BICRA: variants seen among roughly 807,000 people sequenced by gnomAD.
BICRA encodes the protein BRD4 interacting chromatin remodeling complex associated protein.
In BICRA, 31 loss-of-function variants were observed where a neutral mutation model predicts 96.9. That is an observed-to-expected ratio of 0.32 (90% CI 0.24 to 0.43). The LOEUF (loss-of-function observed/expected upper bound fraction) is 0.43. Among genes scored for constraint, BICRA ranks in the 20% least tolerant of loss-of-function variants. The pLI is 1.00. For missense variants in BICRA, 2,283 were observed against 2,190.3 expected (o/e 1.04, Z -0.84); for synonymous variants, 1,350 against 1,071.8 (o/e 1.26, Z -5.07).
chr19:47,668,996 C>T (rs570602516), intron 1 of BICRA, among the ~76,000 whole-genome samples: 4 of 152,074 alleles, frequency 2.6e-5, no homozygotes, highest in African/African-American at 4.8e-5. Flanking sequence ...CCCAGCTACT[C>T]AGGAGGCTGA....
At chr19:47,690,724 G>T (rs1368470260) in intron 7 of BICRA, among the ~76,000 whole-genome samples, 1 of 151,958 alleles carries the variant, frequency 6.6e-6, no homozygotes, top group Admixed American at 6.6e-5. Flanking sequence ...TGAGAGAGAT[G>T]AACTTTGTAT....
intron 1 of BICRA, among the ~76,000 whole-genome samples, chr19:47,637,219 A>C (rs1052179396): frequency 2.0e-5 from 3 of 151,698 alleles, no homozygotes; most frequent in African/African-American, 7.3e-5. Context: ...TCCCGGGTTC[A>C]CGCCATCCTC....
At chr19:47,667,070 G>C (rs997002564) in intron 1 of BICRA, among the ~76,000 whole-genome samples, 2 of 150,244 alleles carry the variant, frequency 1.3e-5, no homozygotes, top group South Asian at 2.1e-4. Flanking sequence ...CCAGGCTGGA[G>C]TGCAGTGGCA....
chr19:47,630,766 G>T (rs1190788501), intron 1 of BICRA, among the ~76,000 whole-genome samples: 1 of 152,154 alleles, frequency 6.6e-6, no homozygotes, highest in South Asian at 2.1e-4. Flanking sequence ...GTTTGTTTGG[G>T]TTTATATCTA....
chr19:47,608,876 A>G (rs1481317667), upstream of BICRA, among the ~76,000 whole-genome samples: 3 of 70,278 alleles, frequency 4.3e-5, no homozygotes, highest in Non-Finnish European at 1.2e-4. Flanking sequence ...TGGGGGGCGG[A>G]ACACAAAACC....
intron 1 of BICRA, among the ~76,000 whole-genome samples, chr19:47,666,271 T>C (rs1972777446): frequency 7.1e-6 from 1 of 140,464 alleles, no homozygotes; most frequent in Non-Finnish European, 1.5e-5. Context: ...CCTCGCCCAA[T>C]TTCTTTTTTT....
intron 1 of BICRA, among the ~76,000 whole-genome samples, chr19:47,610,641 C>T (rs1289313195): frequency 6.6e-6 from 1 of 152,016 alleles, no homozygotes; most frequent in East Asian, 1.9e-4. Context: ...ACCTACCCAC[C>T]CCATAGTATA....
Position 47,687,324 on chromosome 19 carries a change from T to G in BICRA, c.2283+5172T>G, listed in dbSNP as rs190047731. Among the ~76,000 whole-genome samples, 80 of 152,342 alleles carry G rather than the reference T, an allele frequency of 5.3e-4. No individual in the cohort carries two copies. The Middle Eastern group carries it at 0.01, about 19-fold the overall frequency. ...CGAAATAGTATTCTTATGATTTTTT[T>G]TCTTCAACTGTTTAAAAATGTAAAA... On this transcript the variant is annotated intron_variant, in intron 7 of 14. Coordinates refer to ENST00000594866, the MANE Select transcript of BICRA (RefSeq NM_001394372.1).
intron 1 of BICRA, among the ~76,000 whole-genome samples, chr19:47,666,294 CTTCT>C (rs1402874853): frequency 1.2e-4 from 10 of 80,178 alleles, no homozygotes; most frequent in East Asian, 4.5e-4. Context: ...TTTTCTTTTT[CTTCT>C]TTTTTTTTTT....
In BICRA at chr19:47,694,732, G is replaced by T; in HGVS notation, c.2895+6G>T. 1.4e-6 allele frequency: 2 copies of T among 1,400,838 alleles called. No homozygotes were observed. Among genetic ancestry groups the T allele is most frequent in the Non-Finnish European group, 2.0e-6 (2 of 1,010,774 alleles). The allele number at this position is 1,400,838 out of a possible 1,614,324, so 86.8% of individuals were successfully genotyped here. A position where few individuals can be genotyped will look rare whatever the true frequency, so the allele number is the denominator to read the frequency against. ...TTCTCGAGAGATTTCACCAGGTAAC[G>T]GGAGGCAGGGACTGCCCGCCCCATC... is the stretch of plus-strand genomic sequence containing the variant. On this transcript the variant is annotated splice_donor_region_variant and intron_variant, in intron 8 of 14. Transcript: ENST00000594866.
At position 47,675,030 on chromosome 19, in the gene BICRA, A is replaced by T. The variant is rs1972920317; in HGVS notation, c.85-821A>T. 6.6e-6 allele frequency among the ~76,000 whole-genome samples: 1 copy of T among 152,198 alleles called. No individual in the cohort carries two copies. Among genetic ancestry groups the T allele is most frequent in the South Asian group, 2.1e-4 (1 of 4,830 alleles). On this transcript the variant is annotated intron_variant, in intron 4 of 14. Transcript: ENST00000594866. The surrounding 1 kb of genome is among the most constrained non-coding windows in gnomAD (Gnocchi z 4.7). ...TGGCAGCCTGGGCCATGGTGCAGGCAGTGGGGGAGGCATGTGGCACTGGAT... is the reference window on the plus strand; with the variant it reads ...TGGCAGCCTGGGCCATGGTGCAGGCTGTGGGGGAGGCATGTGGCACTGGAT...
chr19:47,633,720 C>T (rs534795267), intron 1 of BICRA, among the ~76,000 whole-genome samples: 3 of 152,280 alleles, frequency 2.0e-5, no homozygotes, highest in African/African-American at 7.2e-5. Context: ...GGACAGTGAA[C>T]AAGACATGAT....
chr19:47,655,866 T>A lies in BICRA; in HGVS notation c.-107-14577T>A, dbSNP rs752952691. ...GCGAGACTCCATCTCAAAAAAAAAA[T>A]AAAAATAAAAATAAAAATAAAAACG... On this transcript the variant is annotated intron_variant, in intron 1 of 14. Transcript: ENST00000594866. Among the ~76,000 whole-genome samples, 534 of 114,026 alleles carry A rather than the reference T, an allele frequency of 4.7e-3. 5 individuals carry two copies. Among genetic ancestry groups the A allele is most frequent in the South Asian group, 0.016 (50 of 3,192 alleles). The allele number at this position is 114,026 out of a possible 152,430, so 74.8% of individuals were successfully genotyped here.
At position 47,680,552 on chromosome 19, in the gene BICRA, C is replaced by A; in HGVS notation, c.1382C>A (p.Pro461His). 1 of 1,584,404 alleles carries A rather than the reference C, an allele frequency of 6.3e-7. No individual in the cohort carries two copies. Residue 461 changes from proline to histidine, a missense_variant, in exon 6 of 15, where the codon CCC (proline) becomes CAC (histidine). Pro to His is a moderately conservative substitution (Grantham distance 77). Coordinates refer to ENST00000594866, the MANE Select transcript of BICRA (RefSeq NM_001394372.1). Reference protein sequence around the residue: ...LLNQGSSIVIPAQHMLPGQNQ... With the variant: ...LLNQGSSIVIHAQHMLPGQNQ... The stretch of plus-strand genomic sequence containing the variant: ...AACCAAGGCAGCAGCATCGTCATCC[C>A]CGCCCAGCACATGCTGCCGGGCCAG...
intron 1 of BICRA, among the ~76,000 whole-genome samples, chr19:47,649,430 G>A (rs1052243694): frequency 2.6e-5 from 4 of 152,182 alleles, no homozygotes; most frequent in Admixed American, 1.3e-4. Flanking sequence ...AAACAGGAAC[G>A]TATTGACAAG....
intron 5 of BICRA, among the ~76,000 whole-genome samples, chr19:47,678,361 C>T (rs1002724162): frequency 6.6e-6 from 1 of 152,188 alleles, no homozygotes; most frequent in African/African-American, 2.4e-5. Flanking sequence ...AGTGATCCAC[C>T]TGCCTCTGCC....
chr19:47,621,371 A>G (rs1194454733), intron 1 of BICRA, among the ~76,000 whole-genome samples: 1 of 152,100 alleles, frequency 6.6e-6, no homozygotes, highest in Non-Finnish European at 1.5e-5. Flanking sequence ...TCGTTAGCCA[A>G]AGGAACAAAA....
Position 47,694,204 on chromosome 19 carries a change from G to GC in BICRA, c.2376dup (p.Ser793LeufsTer78). 4.5e-6 allele frequency: 5 copies of GC among 1,119,684 alleles called. No individual in the cohort carries two copies. Among genetic ancestry groups the GC allele is most frequent in the Middle Eastern group, 3.3e-4 (1 of 3,066 alleles). The allele number at this position is 1,119,684 out of a possible 1,614,324, so 69.4% of individuals were successfully genotyped here. ...CCCCTCTGGGGGACAGCCCCCACCT[G>GC]CCCTCCCCACACCCCACCCGGCCCC... is the stretch of plus-strand genomic sequence containing the variant. On this transcript the variant is annotated frameshift_variant, in exon 8 of 15. Transcript: ENST00000594866. LOFTEE classifies it high-confidence loss of function.
At chr19:47,693,705 C>T (rs1160734037) in intron 7 of BICRA, among the ~76,000 whole-genome samples, 3 of 152,222 alleles carry the variant, frequency 2.0e-5, no homozygotes, top group Non-Finnish European at 4.4e-5. Context: ...GCTCGCCGCC[C>T]GGCCCTCCTG....
Sources: gnomAD v4.1 joint callset for allele counts (sites outside exome capture counted in the v4.1 genomes callset) on GRCh38, gnomAD v4.1.1 for gene constraint, Gnocchi (gnomAD v3.1) non-coding constraint, MANE v1.5 for transcripts, NCBI Gene and HGNC (gene_info 2026-07-23, HGNC 2026-07-21) for gene names.